SWAP70: variants seen among roughly 807,000 people sequenced by gnomAD.
SWAP70 encodes switching B cell complex subunit SWAP70.
In SWAP70, 34 loss-of-function variants were observed where a neutral mutation model predicts 80.2. The observed-to-expected ratio is 0.42, with a 90% CI of 0.32 to 0.56. SWAP70 has a LOEUF of 0.56. Ranked by LOEUF, SWAP70 falls within the 20% of genes least tolerant of loss-of-function variation. The pLI is 0.09. For missense variants in SWAP70, 578 were observed against 690.7 expected (o/e 0.84, Z 1.83); for synonymous variants, 239 against 238.5 (o/e 1.00, Z -0.02).
intron 2 of SWAP70, among the ~76,000 whole-genome samples, chr11:9,710,726 C>A: frequency 6.7e-6 from 1 of 149,840 alleles, no homozygotes; most frequent in African/African-American, 2.5e-5. Context: ...GTCTCCAAGG[C>A]TGGAGTGCAG....
intron 3 of SWAP70, among the ~76,000 whole-genome samples, chr11:9,717,127 T>C (rs1851076672): frequency 6.6e-6 from 1 of 152,134 alleles, no homozygotes; most frequent in African/African-American, 2.4e-5. Context: ...GCTGTAGTGG[T>C]GGGAACAGTT....
chr11:9,703,416 C>G (rs1296001864), intron 2 of SWAP70: 2 of 456,170 alleles, frequency 4.4e-6, no homozygotes, highest in Non-Finnish European at 8.8e-6. Context: ...CCCTTCCTGC[C>G]TCAGAGCCTT....
At position 9,684,878 on chromosome 11, in the gene SWAP70, C is replaced by T. The variant is rs182984143; in HGVS notation, c.100-9268C>T. 2.3e-3 allele frequency among the ~76,000 whole-genome samples: 344 copies of T among 152,280 alleles called. 3 individuals are homozygous for T. The highest frequency in any genetic ancestry group is 3.6e-3 in the Non-Finnish European group (242 of 68,024). Reference sequence around the variant, plus strand: ...TGAACAGCTCTCTCATTAGGTACTTCATTAGGTTTTGGTATTCACAGATGG... The same window carrying T: ...TGAACAGCTCTCTCATTAGGTACTTTATTAGGTTTTGGTATTCACAGATGG... On this transcript the variant is annotated intron_variant, in intron 1 of 11. Coordinates refer to ENST00000318950, the MANE Select transcript of SWAP70 (RefSeq NM_015055.4).
chr11:9,710,084 C>G (rs1432541801), intron 2 of SWAP70, among the ~76,000 whole-genome samples: 1 of 151,918 alleles, frequency 6.6e-6, no homozygotes, highest in East Asian at 1.9e-4. Context: ...GTTGGTCTTG[C>G]TGTCTCAGTG....
chr11:9,727,068 T>A (rs1266548053), intron 4 of SWAP70: 1 of 424,626 alleles, frequency 2.4e-6, no homozygotes, highest in Admixed American at 2.7e-5. Context: ...CATTTAACAT[T>A]TTCAGTGACT....
intron 9 of SWAP70, 145 bp downstream of exon 9, chr11:9,740,492 G>C: frequency 1.2e-6 from 1 of 807,782 alleles, no homozygotes. Flanking sequence ...AGATTAGAAA[G>C]ACTGTGGAGA....
chr11:9,683,720 C>T (rs1426531544), intron 1 of SWAP70, among the ~76,000 whole-genome samples: 1 of 152,190 alleles, frequency 6.6e-6, no homozygotes, highest in Non-Finnish European at 1.5e-5. Context: ...TTATGGGACT[C>T]CCACATTGAG....
intron 3 of SWAP70, among the ~76,000 whole-genome samples, chr11:9,722,636 C>T (rs909441061): frequency 1.3e-5 from 2 of 152,068 alleles, no homozygotes; most frequent in Non-Finnish European, 2.9e-5. Flanking sequence ...GGATGTAGGA[C>T]TTGAATAAAT....
rs763334730 is a variant in SWAP70, at chr11:9,724,789, T to C, written c.546T>C (p.Ile182=). Residue 182 remains isoleucine (I), a synonymous_variant, in exon 4 of 12, where the codon ATT becomes ATC. Transcript: ENST00000318950. ...GLSAWELIEL[I]GNGQFSKGMD... Reference sequence around the variant, plus strand: ...CTGCATGGGAACTTATTGAGCTTATTGGAAATGGACAGTTTAGCAAAGGCA... The same window carrying C: ...CTGCATGGGAACTTATTGAGCTTATCGGAAATGGACAGTTTAGCAAAGGCA... 2.4e-5 allele frequency: 39 copies of C among 1,614,026 alleles called. No homozygotes were observed. The highest frequency in any genetic ancestry group is 3.2e-5 in the Non-Finnish European group (38 of 1,180,010).
intron 2 of SWAP70, among the ~76,000 whole-genome samples, chr11:9,706,453 A>G (rs1189001496): frequency 6.6e-6 from 1 of 152,064 alleles, no homozygotes; most frequent in African/African-American, 2.4e-5. Flanking sequence ...TAATATTTGT[A>G]GGATATATGA....
intron 1 of SWAP70, among the ~76,000 whole-genome samples, chr11:9,693,820 CT>C (rs997803065): frequency 2.0e-4 from 30 of 152,016 alleles, no homozygotes; most frequent in African/African-American, 6.3e-4. Flanking sequence ...TTCTCTTAGA[CT>C]TCCCCCCCCA....
At chr11:9,702,478 C>G (rs1315301097) in intron 2 of SWAP70, among the ~76,000 whole-genome samples, 2 of 151,694 alleles carry the variant, frequency 1.3e-5, no homozygotes, top group Admixed American at 6.6e-5. Context: ...GTGACATGAT[C>G]ATGGCTCACT....
At chr11:9,732,428 C>G (rs1175375390) in intron 6 of SWAP70, 101 bp from the exon 7 acceptor site, 2 of 1,198,460 alleles carry the variant, frequency 1.7e-6, no homozygotes, top group East Asian at 5.1e-5. Flanking sequence ...GGCCTTCTGG[C>G]TCCCTGTCTC....
chr11:9,672,195 C>CTATGTATGTA (rs530619499), intron 1 of SWAP70, among the ~76,000 whole-genome samples: 1 of 78,438 alleles, frequency 1.3e-5, no homozygotes, highest in Non-Finnish European at 2.3e-5. Context: ...ATGTGTGTGT[C>CTATGTATGTA]TATATATATA....
chr11:9,725,029 T>G, intron 4 of SWAP70, 144 bp downstream of exon 4: 1 of 642,816 alleles, frequency 1.6e-6, no homozygotes, highest in Non-Finnish European at 2.6e-6. Flanking sequence ...TGAGACAGTC[T>G]TGCTCTGTCG....
intron 4 of SWAP70, among the ~76,000 whole-genome samples, chr11:9,726,145 A>G (rs1851222938): frequency 6.6e-6 from 1 of 152,096 alleles, no homozygotes; most frequent in South Asian, 2.1e-4. Context: ...TTATTTTTAT[A>G]AAATCAGAAA....
At position 9,752,515 on chromosome 11, in the gene SWAP70, T is replaced by TA. The variant is rs1851604293; in HGVS notation, c.*2546dup. ...CTTTTAAACAGTGCTTTGGCTAAGA[T>TA]AGATACTTGTGAATCAAAGATAGCA... On this transcript the variant is annotated 3_prime_UTR_variant, in exon 12 of 12. Coordinates refer to ENST00000318950, the MANE Select transcript of SWAP70 (RefSeq NM_015055.4). The TA allele has an allele frequency of 6.6e-6, 1 of 152,402 alleles. No individual in the cohort carries two copies. Among genetic ancestry groups the TA allele is most frequent in the African/African-American group, 2.4e-5 (1 of 41,598 alleles). 9.4% of individuals were successfully genotyped at this position (152,402 alleles called of 1,614,324 possible). A position where few individuals can be genotyped will look rare whatever the true frequency, so the allele number is the denominator to read the frequency against.
At position 9,747,854 on chromosome 11, in the gene SWAP70, G is replaced by A. The variant is rs968750814; in HGVS notation, c.1356-4G>A. ...TTGATCTGGAGCTTTCCTCCACATTGTAGGTTGTTGGAGGAAGAGTCTTCC... is the reference window on the plus strand; with the variant it reads ...TTGATCTGGAGCTTTCCTCCACATTATAGGTTGTTGGAGGAAGAGTCTTCC... On this transcript the variant is annotated splice_polypyrimidine_tract_variant and splice_region_variant and intron_variant, in intron 9 of 11. Transcript: ENST00000318950. 1.1e-5 allele frequency: 17 copies of A among 1,613,932 alleles called. No individual in the cohort carries two copies. Among genetic ancestry groups the A allele is most frequent in the Middle Eastern group, 1.7e-4 (1 of 6,050 alleles).
At chr11:9,709,530 C>CT (rs956414341) in intron 2 of SWAP70, among the ~76,000 whole-genome samples, 11 of 150,036 alleles carry the variant, frequency 7.3e-5, no homozygotes, top group Non-Finnish European at 1.0e-4. Flanking sequence ...CCAAGTATAA[C>CT]TTTTTTTTTT....
Sources: allele counts gnomAD v4.1 joint callset (sites outside exome capture counted in the v4.1 genomes callset), GRCh38; gene constraint gnomAD v4.1.1; transcripts MANE v1.5; gene names NCBI Gene and HGNC (gene_info 2026-07-23, HGNC 2026-07-21).